Variants in CYTH3 observed in about 807,000 individuals in gnomAD.
CYTH3 encodes cytohesin 3, also known as cytohesin-3.
A neutral mutation model predicts 55.1 loss-of-function variants in CYTH3; 23 were observed. The ratio of observed to expected loss-of-function variants is 0.42; its 90% CI spans 0.30 to 0.59. CYTH3 has a LOEUF of 0.59. CYTH3 is among the 20% of genes least tolerant of loss of function. CYTH3 has a pLI of 0.20. For missense variants in CYTH3, 413 were observed against 524.8 expected (o/e 0.79, Z 2.08); for synonymous variants, 249 against 194.9 (o/e 1.28, Z -2.31).
intron 2 of CYTH3, 52 bp downstream of exon 2, chr7:6,190,397 C>CA: frequency 7.8e-7 from 1 of 1,274,628 alleles, no homozygotes; most frequent in Non-Finnish European, 1.0e-6. Flanking sequence ...CTATTTTACT[C>CA]AAAAGCAAAA....
intron 1 of CYTH3, among the ~76,000 whole-genome samples, chr7:6,231,866 C>T (rs1779398397): frequency 6.6e-6 from 1 of 152,158 alleles, no homozygotes; most frequent in South Asian, 2.1e-4. Flanking sequence ...ACCCGGGCCA[C>T]AAGGCACCCT....
At chr7:6,238,980 A>G (rs1187513690) in intron 1 of CYTH3, among the ~76,000 whole-genome samples, 1 of 151,788 alleles carries the variant, frequency 6.6e-6, no homozygotes, top group Admixed American at 6.6e-5. Context: ...TTGGGAGACC[A>G]AGACGTGCTG....
chr7:6,190,264 A>G (rs369107692), intron 2 of CYTH3, among the ~76,000 whole-genome samples, 185 bp downstream of exon 2: 2 of 150,446 alleles, frequency 1.3e-5, no homozygotes, highest in South Asian at 2.1e-4. Flanking sequence ...TCCCAACTTG[A>G]TAACTTTTCA....
At chr7:6,249,170 ATGGGAAGGTTCACTATGTTCTG>A in intron 1 of CYTH3, among the ~76,000 whole-genome samples, 1 of 152,204 alleles carries the variant, frequency 6.6e-6, no homozygotes, top group Admixed American at 6.5e-5. Flanking sequence ...TCCCTTTCAA[ATGGGAAGGTTCACTATGTTCTG>A]TGTTTGTGAG....
In CYTH3 at chr7:6,200,056, T is replaced by C. The variant is rs141109918; in HGVS notation, c.35-9525A>G. Among the ~76,000 whole-genome samples, 205 of 152,358 alleles carry C rather than the reference T, an allele frequency of 1.3e-3. 3 individuals are homozygous for C. The highest frequency in any genetic ancestry group is 6.8e-3 in the Middle Eastern group (2 of 294). On this transcript the variant is annotated intron_variant, in intron 1 of 12. Coordinates refer to ENST00000350796, the MANE Select transcript of CYTH3 (RefSeq NM_004227.4). Reference sequence around the variant, plus strand: ...CTAAGAGCCCATCAATTGTAAGATGTATGCTTAATTTCAGGCAGTTTAAAA... The same window carrying C: ...CTAAGAGCCCATCAATTGTAAGATGCATGCTTAATTTCAGGCAGTTTAAAA...
At chr7:6,195,271 G>A (rs1383407904) in intron 1 of CYTH3, among the ~76,000 whole-genome samples, 2 of 152,006 alleles carry the variant, frequency 1.3e-5, no homozygotes, top group African/African-American at 4.8e-5. Context: ...ACATGGCAAA[G>A]CAAAAAAATT....
intron 4 of CYTH3, among the ~76,000 whole-genome samples, chr7:6,181,336 G>C (rs1783497827): frequency 6.6e-6 from 1 of 152,162 alleles, no homozygotes; most frequent in Admixed American, 6.6e-5. Context: ...CTAGACATCA[G>C]AGAAGCCCTT....
intron 1 of CYTH3, among the ~76,000 whole-genome samples, chr7:6,227,038 C>T (rs1031833700): frequency 5.3e-5 from 8 of 150,934 alleles, no homozygotes; most frequent in African/African-American, 2.0e-4. Context: ...TGAGATCGCG[C>T]CACTGCACTC....
intron 1 of CYTH3, among the ~76,000 whole-genome samples, chr7:6,210,298 T>C (rs1784295219): frequency 6.6e-6 from 1 of 152,164 alleles, no homozygotes; most frequent in Non-Finnish European, 1.5e-5. Flanking sequence ...ATTTTTAAAG[T>C]AGGGATAATG....
chr7:6,174,297 T>G (rs929630980), intron 5 of CYTH3, among the ~76,000 whole-genome samples: 1 of 151,442 alleles, frequency 6.6e-6, no homozygotes, highest in African/African-American at 2.4e-5. Context: ...GTATTTTTAG[T>G]AGAGATGGGG....
chr7:6,163,995 G>A lies in CYTH3; in HGVS notation c.*949C>T, dbSNP rs984236252. 1.3e-5 allele frequency: 2 copies of A among 152,220 alleles called. No homozygotes were observed. The highest frequency in any genetic ancestry group is 2.9e-5 in the Non-Finnish European group (2 of 68,046). 9.4% of individuals were successfully genotyped at this position (152,220 alleles called of 1,614,324 possible). A position where few individuals can be genotyped will look rare whatever the true frequency, so the allele number is the denominator to read the frequency against. ...CAGCGTATGGACCATCTGTGTCCAGGGAAAAGGCTGTTTCCTAGGAGTTAG... is the reference window on the plus strand; with the variant it reads ...CAGCGTATGGACCATCTGTGTCCAGAGAAAAGGCTGTTTCCTAGGAGTTAG... On this transcript the variant is annotated 3_prime_UTR_variant, in exon 13 of 13. Coordinates refer to ENST00000350796, the MANE Select transcript of CYTH3 (RefSeq NM_004227.4).
chr7:6,270,158 C>A (rs1423154948), intron 1 of CYTH3, among the ~76,000 whole-genome samples: 1 of 152,182 alleles, frequency 6.6e-6, no homozygotes, highest in African/African-American at 2.4e-5. Context: ...TCAAAACTTA[C>A]AACAGCCAAG....
intron 4 of CYTH3, among the ~76,000 whole-genome samples, chr7:6,183,162 G>T (rs1206408768): frequency 6.6e-6 from 1 of 152,214 alleles, no homozygotes; most frequent in African/African-American, 2.4e-5. Flanking sequence ...CTAGACACAA[G>T]GTCAGGAGAG....
chr7:6,236,292 C>A (rs188196308), intron 1 of CYTH3, among the ~76,000 whole-genome samples: 2 of 151,898 alleles, frequency 1.3e-5, no homozygotes, highest in East Asian at 3.9e-4. Context: ...CAGCTTTGAC[C>A]TTCTGGGCTC....
intron 2 of CYTH3, among the ~76,000 whole-genome samples, chr7:6,188,402 G>A (rs950324648): frequency 2.6e-5 from 4 of 151,446 alleles, no homozygotes; most frequent in East Asian, 1.9e-4. Flanking sequence ...TCCTCAGTTC[G>A]CTTAACTGCA....
chr7:6,213,060 G>A, intron 1 of CYTH3, among the ~76,000 whole-genome samples: 1 of 152,172 alleles, frequency 6.6e-6, no homozygotes, highest in Non-Finnish European at 1.5e-5. Context: ...CTGACTTATT[G>A]TTTAGTTTAT....
intron 1 of CYTH3, among the ~76,000 whole-genome samples, chr7:6,205,650 C>T (rs1049016173): frequency 6.6e-6 from 1 of 151,896 alleles, no homozygotes; most frequent in Non-Finnish European, 1.5e-5. Context: ...GCTAGAACAA[C>T]TTAGAAAATA....
intron 1 of CYTH3, among the ~76,000 whole-genome samples, chr7:6,192,088 T>C (rs1310961766): frequency 6.6e-6 from 1 of 152,072 alleles, no homozygotes; most frequent in African/African-American, 2.4e-5. Flanking sequence ...ACACAGAATC[T>C]GTGTCTCAAA....
At chr7:6,225,999 AAAAC>A (rs1321398914) in intron 1 of CYTH3, among the ~76,000 whole-genome samples, 4 of 152,174 alleles carry the variant, frequency 2.6e-5, no homozygotes, top group South Asian at 2.1e-4. Flanking sequence ...AATTTTTTTA[AAAAC>A]AAACAAAAAA....
Sources: allele counts gnomAD v4.1 joint callset (sites outside exome capture counted in the v4.1 genomes callset), GRCh38; gene constraint gnomAD v4.1.1; transcripts MANE v1.5; gene names NCBI Gene and HGNC (gene_info 2026-07-23, HGNC 2026-07-21).